The following NTN1 variants were observed in gnomAD, a reference collection of about 807,000 sequenced individuals.
NTN1 encodes the protein netrin 1.
In NTN1, 11 loss-of-function variants were observed where a neutral mutation model predicts 54.2. The observed-to-expected ratio is 0.20, with a 90% CI of 0.13 to 0.34. The LOEUF (loss-of-function observed/expected upper bound fraction) is 0.34. Ranked by LOEUF, NTN1 falls within the 10% of genes least tolerant of loss-of-function variation. The pLI, the probability that NTN1 is intolerant of heterozygous loss-of-function variation, is 1.00. For synonymous variants in NTN1, 371 were observed against 382.0 expected, an observed-to-expected ratio of 0.97 and a Z score of 0.33; for missense variants, 740 against 893.1, an observed-to-expected ratio of 0.83 and a Z score of 2.18.
intron 2 of NTN1, among the ~76,000 whole-genome samples, chr17:9,058,637 C>CAAATAAAAAAA (rs2091986591): frequency 1.7e-5 from 1 of 58,906 alleles, no homozygotes; most frequent in Admixed American, 2.9e-4. Flanking sequence ...GGTAGGCACT[C>CAAATAAAAAAA]AAAAAAAAAA....
intron 2 of NTN1, among the ~76,000 whole-genome samples, chr17:9,107,866 A>T (rs992054702): frequency 6.6e-6 from 1 of 152,236 alleles, no homozygotes; most frequent in East Asian, 1.9e-4. Flanking sequence ...GAGTTTGCCA[A>T]ACCCTGGCCT....
chr17:9,095,759 T>G (rs973788547), intron 2 of NTN1, among the ~76,000 whole-genome samples: 3 of 152,182 alleles, frequency 2.0e-5, no homozygotes, highest in Non-Finnish European at 4.4e-5. Context: ...ACTTTATAGA[T>G]AAATGTGGAG....
chr17:9,219,492 T>C lies in NTN1; in HGVS notation c.1412-1676T>C, dbSNP rs144814323. On this transcript the variant is annotated intron_variant, in intron 5 of 6. Coordinates refer to ENST00000173229, the MANE Select transcript of NTN1 (RefSeq NM_004822.3). The surrounding 1 kb of genome is among the most constrained non-coding windows in gnomAD (Gnocchi z 4.5). ...TTCCTAACTGGGGGCCCCAAGAGTC[T>C]GGCACAGGAAGCGGTGGGAGGCTAC... 1.7e-3 allele frequency among the ~76,000 whole-genome samples: 261 copies of C among 152,280 alleles called. 2 individuals carry two copies. The highest frequency in any genetic ancestry group is 6.0e-3 in the African/African-American group (248 of 41,564).
intron 3 of NTN1, among the ~76,000 whole-genome samples, chr17:9,168,378 C>CA (rs2092378503): frequency 6.6e-6 from 1 of 151,978 alleles, no homozygotes; most frequent in Admixed American, 6.5e-5. Context: ...ACTAAAAATA[C>CA]AAAATTAGCC....
At chr17:9,077,238 AAAAG>A (rs1294945953) in intron 2 of NTN1, among the ~76,000 whole-genome samples, 2 of 152,232 alleles carry the variant, frequency 1.3e-5, no homozygotes, top group African/African-American at 4.8e-5. Flanking sequence ...GAAAGGAACA[AAAAG>A]AAATGGAAGT....
chr17:9,148,907 T>G (rs1193032165), intron 2 of NTN1, among the ~76,000 whole-genome samples: 2 of 151,498 alleles, frequency 1.3e-5, no homozygotes, highest in Admixed American at 1.3e-4. Context: ...TAAATAAAGG[T>G]CAAGCAGGGA....
At chr17:9,198,356 T>C (rs953458476) in intron 5 of NTN1, among the ~76,000 whole-genome samples, 3 of 152,206 alleles carry the variant, frequency 2.0e-5, no homozygotes, top group Non-Finnish European at 4.4e-5. Flanking sequence ...CAAGGGCACC[T>C]ATAACCTCCC....
chr17:9,214,067 T>G (rs1905166695), intron 5 of NTN1, among the ~76,000 whole-genome samples: 1 of 152,176 alleles, frequency 6.6e-6, no homozygotes, highest in Non-Finnish European at 1.5e-5. Flanking sequence ...TGGATGTATT[T>G]ATGTATTTTT....
upstream of NTN1, among the ~76,000 whole-genome samples, chr17:9,018,477 C>CA (rs1189066785): frequency 8.6e-5 from 13 of 151,786 alleles, no homozygotes; most frequent in African/African-American, 3.1e-4. Flanking sequence ...ACTAAAAATA[C>CA]AAAAAAATTA....
chr17:9,153,646 G>A (rs775567802), intron 2 of NTN1, among the ~76,000 whole-genome samples: 4 of 152,222 alleles, frequency 2.6e-5, no homozygotes, highest in Non-Finnish European at 4.4e-5. Context: ...GCAGAATGCA[G>A]CAACGTCAGC....
At chr17:9,025,941 G>A (rs567815736) in intron 2 of NTN1, among the ~76,000 whole-genome samples, 6 of 152,276 alleles carry the variant, frequency 3.9e-5, no homozygotes, top group Admixed American at 2.0e-4. Context: ...CTCTTCTTGC[G>A]AATTTCACGC....
At chr17:9,189,420 C>T (rs929494216) in intron 5 of NTN1, among the ~76,000 whole-genome samples, 1 of 152,214 alleles carries the variant, frequency 6.6e-6, no homozygotes, top group Non-Finnish European at 1.5e-5. Context: ...GGCACAATCT[C>T]AGCTCACTGC....
chr17:9,227,525 TCAAA>T lies in NTN1; in HGVS notation c.1486+6286_1486+6289del, dbSNP rs1905623273. ...CACACCATCACACACACCACACACA[TCAAA>T]CACAGATACACCATCACACACAGGC... On this transcript the variant is annotated intron_variant, in intron 6 of 6. Transcript: ENST00000173229. Among the ~76,000 whole-genome samples, 5 of 136,514 alleles carry T rather than the reference TCAAA, an allele frequency of 3.7e-5. No homozygotes were observed. In the South Asian group the frequency reaches 7.1e-4, roughly 19 times the overall value. The allele number at this position is 136,514 out of a possible 152,430, so 89.6% of individuals were successfully genotyped here. A position where few individuals can be genotyped will look rare whatever the true frequency, so the allele number is the denominator to read the frequency against.
At chr17:9,167,584 G>A (rs111946015) in intron 3 of NTN1, among the ~76,000 whole-genome samples, 7 of 152,284 alleles carry the variant, frequency 4.6e-5, no homozygotes, top group African/African-American at 1.7e-4. Context: ...CAGTTCGTGT[G>A]GTTGAATGAA....
intron 6 of NTN1, among the ~76,000 whole-genome samples, chr17:9,227,092 T>A (rs1265466683): frequency 6.6e-6 from 1 of 152,198 alleles, no homozygotes; most frequent in East Asian, 1.9e-4. Context: ...GAAGCTCCAC[T>A]GTTCCATCCT....
chr17:9,103,578 C>A (rs1014543996), intron 2 of NTN1, among the ~76,000 whole-genome samples: 4 of 152,060 alleles, frequency 2.6e-5, no homozygotes, highest in Non-Finnish European at 5.9e-5. Context: ...TTCCTGAAGC[C>A]TCGCCAGCCA....
At chr17:9,154,644 G>T (rs2092336426) in intron 2 of NTN1, among the ~76,000 whole-genome samples, 1 of 152,020 alleles carries the variant, frequency 6.6e-6, no homozygotes, top group South Asian at 2.1e-4. Context: ...CTGAAAAGGG[G>T]GCTCAGAAAA....
chr17:9,067,144 G>A (rs933019013), intron 2 of NTN1, among the ~76,000 whole-genome samples: 1 of 151,890 alleles, frequency 6.6e-6, no homozygotes. Context: ...GTGCACACCT[G>A]TAGTCTCAGC....
intron 2 of NTN1, among the ~76,000 whole-genome samples, chr17:9,091,361 C>A (rs2092109851): frequency 6.6e-6 from 1 of 152,046 alleles, no homozygotes; most frequent in African/African-American, 2.4e-5. Context: ...TTCAAGGGAT[C>A]CTTCTGCTTC....
Sources: gnomAD v4.1 joint callset for allele counts (sites outside exome capture counted in the v4.1 genomes callset) on GRCh38, gnomAD v4.1.1 for gene constraint, Gnocchi (gnomAD v3.1) non-coding constraint, MANE v1.5 for transcripts, NCBI Gene and HGNC (gene_info 2026-07-23, HGNC 2026-07-21) for gene names.